DCTN4: variants seen among roughly 807,000 people sequenced by gnomAD.
The protein encoded by DCTN4 is dynactin 4 (p62).
Under a neutral mutation model 62.7 loss-of-function variants are expected in DCTN4, and 23 were observed. The ratio of observed to expected loss-of-function variants is 0.37; its 90% confidence interval spans 0.26 to 0.52. DCTN4 has a LOEUF of 0.52. Ranked by LOEUF, DCTN4 falls within the 20% of genes least tolerant of loss-of-function variation. The pLI, the probability that DCTN4 is intolerant of heterozygous loss-of-function variation, is 0.92. For missense variants in DCTN4, 514 were observed against 580.4 expected, an observed-to-expected ratio of 0.89 and a Z score of 1.18; for synonymous variants, 199 against 202.1, an observed-to-expected ratio of 0.98 and a Z score of 0.13.
rs748518473 is a variant in DCTN4, at chr5:150,733,405, A to C, written c.500T>G (p.Leu167Arg). 2.5e-6 allele frequency: 4 copies of C among 1,614,098 alleles called. No homozygotes were observed. The highest frequency in any genetic ancestry group is 3.4e-6 in the Non-Finnish European group (4 of 1,179,996). The change falls in exon 5 of 13, where the codon CTG (leucine) becomes CGG (arginine). Residue 167 changes from leucine to arginine, a missense_variant. Coordinates refer to ENST00000447998, the MANE Select transcript of DCTN4 (RefSeq NM_016221.4). The part of the protein sequence containing the change: ...KEKVERDRKK[L>R]ARRRNYMPLA... ...AGGCATATAGTTTCTACGTCGTGCC[A>C]GTTTCTTGCGATCTCGCTCAACCTT...
At chr5:150,727,783 AAAAAAAAAAAAAAAC>A in intron 8 of DCTN4, among the ~76,000 whole-genome samples, 1 of 149,570 alleles carries the variant, frequency 6.7e-6, no homozygotes, top group African/African-American at 2.5e-5. Context: ...CTCAAAAAAA[AAAAAAAAAAAAAAAC>A]AAAAAACCCA....
rs890102487 is a variant in DCTN4, at chr5:150,716,595, G to C, written c.1072-933C>G. ...ATGCATCAGGTACTTATTTCTGTCT[G>C]TCTTAACTGGAGCTGCTTATTAGTG... On this transcript the variant is annotated intron_variant, in intron 11 of 12. Transcript: ENST00000447998. Among the ~76,000 whole-genome samples the C allele has an allele frequency of 7.7e-4, 117 of 152,176 alleles. 1 individual carries two copies. The highest frequency in any genetic ancestry group is 2.6e-3 in the African/African-American group (109 of 41,508).
chr5:150,739,068 C>T (rs1201725872), intron 4 of DCTN4, among the ~76,000 whole-genome samples: 1 of 151,900 alleles, frequency 6.6e-6, no homozygotes. Flanking sequence ...GTAATCCCAG[C>T]TACTCAGGAG....
chr5:150,731,254 T>G lies in DCTN4; in HGVS notation c.612-98A>C, dbSNP rs532660725. ...GTCTATGATATCAATAATTGAAGTA[T>G]TCCTCTGTCATAGAATATCTGTATA... On this transcript the variant is annotated intron_variant, in intron 6 of 12. Coordinates refer to ENST00000447998, the MANE Select transcript of DCTN4 (RefSeq NM_016221.4). 19 of 989,100 alleles carry G rather than the reference T, an allele frequency of 1.9e-5. No individual in the cohort carries two copies. The African/African-American group carries it at 3.1e-4, about 16-fold the overall frequency. The allele number at this position is 989,100 out of a possible 1,614,324, so 61.3% of individuals were successfully genotyped here. A position where few individuals can be genotyped will look rare whatever the true frequency, so the allele number is the denominator to read the frequency against.
At chr5:150,751,761 GT>G (rs1170731678) in intron 3 of DCTN4, among the ~76,000 whole-genome samples, 7 of 151,996 alleles carry the variant, frequency 4.6e-5, no homozygotes, top group Admixed American at 4.6e-4. Context: ...TTTGAAAAGA[GT>G]ATGTATTTTA....
chr5:150,736,798 C>T (rs1379650478), intron 4 of DCTN4, among the ~76,000 whole-genome samples: 1 of 152,100 alleles, frequency 6.6e-6, no homozygotes, highest in East Asian at 1.9e-4. Flanking sequence ...GGCCTAAATG[C>T]TCCACTTAAA....
rs150196663 is a variant in DCTN4 at position 150,741,530 on chromosome 5, G to A, written c.429+584C>T. Among the ~76,000 whole-genome samples the A allele has an allele frequency of 2.5e-3, 375 of 152,110 alleles. 2 individuals carry two copies. Among genetic ancestry groups the A allele is most frequent in the African/African-American group, 8.6e-3 (355 of 41,472 alleles). On this transcript the variant is annotated intron_variant, in intron 4 of 12. Transcript: ENST00000447998. Reference sequence around the variant, plus strand: ...CAGCCTTGCTCTATTGCCTAGGATGGAGCGTGGTGGTATGATCATAGCTCA... The same window carrying A: ...CAGCCTTGCTCTATTGCCTAGGATGAAGCGTGGTGGTATGATCATAGCTCA...
chr5:150,731,341 G>T, intron 6 of DCTN4, 75 bp downstream of exon 6: 2 of 1,259,338 alleles, frequency 1.6e-6, no homozygotes. Flanking sequence ...GTGTGTGTGT[G>T]TTTTAATCTC....
chr5:150,718,289 T>C lies in DCTN4; in HGVS notation c.1058A>G (p.Asn353Ser), dbSNP rs373636186. Residue 353 changes from asparagine to serine, a missense_variant, in exon 11 of 13, where the codon AAC (asparagine) becomes AGC (serine). Asn to Ser is a conservative substitution (Grantham distance 46, BLOSUM62 1). Coordinates refer to ENST00000447998, the MANE Select transcript of DCTN4 (RefSeq NM_016221.4). The part of the protein sequence containing the change: ...ECEEGDPDDI[N>S]STAKVVVPPK... ...AAATGCTCCTACCTTAGCAGTGCTG[T>C]TGATATCATCAGGGTCCCCCTCCTC... 1.9e-6 allele frequency: 3 copies of C among 1,613,484 alleles called. No individual in the cohort carries two copies. Among genetic ancestry groups the C allele is most frequent in the African/African-American group, 1.3e-5 (1 of 74,986 alleles).
rs770655901 is a variant in DCTN4, at chr5:150,753,520, C to T, written c.344G>A (p.Arg115His). ...KAYYLACGFC[R>H]WTSRDVGMAD... ...CATGCCCACATCTCTAGACGTCCAG[C>T]GACAAAATCCACATGCCAGGTAATA... The change falls in exon 3 of 13, where the codon CGC becomes CAC. Residue 115 changes from arginine to histidine, a missense_variant. By Grantham distance (29) the Arg-to-His change is conservative (BLOSUM62 0). Transcript: ENST00000447998. 34 of 1,614,040 alleles carry T rather than the reference C, an allele frequency of 2.1e-5. No homozygotes were observed. Among genetic ancestry groups the T allele is most frequent in the South Asian group, 8.8e-5 (8 of 91,084 alleles).
intron 9 of DCTN4, among the ~76,000 whole-genome samples, chr5:150,721,267 T>G: frequency 6.6e-6 from 1 of 152,212 alleles, no homozygotes; most frequent in Non-Finnish European, 1.5e-5. Flanking sequence ...TTTAACCAAC[T>G]ATTTCCTTGT....
intron 10 of DCTN4, among the ~76,000 whole-genome samples, chr5:150,719,255 A>G (rs1759878131): frequency 6.6e-6 from 1 of 152,212 alleles, no homozygotes; most frequent in South Asian, 2.1e-4. Flanking sequence ...AGCATGAAAG[A>G]AGAGTTAAAG....
chr5:150,714,011 G>A (rs2151466711), intron 12 of DCTN4, among the ~76,000 whole-genome samples: 1 of 152,210 alleles, frequency 6.6e-6, no homozygotes, highest in East Asian at 2.0e-4. Context: ...AAGCTCCTCA[G>A]GAGGCTGAGG....
chr5:150,713,259 A>G (rs1759633923), intron 12 of DCTN4, among the ~76,000 whole-genome samples: 1 of 152,118 alleles, frequency 6.6e-6, no homozygotes, highest in Admixed American at 6.5e-5. Flanking sequence ...AAGCTTTTCC[A>G]AAACAAATTT....
At chr5:150,728,656 A>C (rs1327180033) in intron 8 of DCTN4, among the ~76,000 whole-genome samples, 4 of 152,178 alleles carry the variant, frequency 2.6e-5, no homozygotes, top group African/African-American at 9.7e-5. Context: ...TCTTTTAAAA[A>C]AATTAGTGTT....
chr5:150,755,749 A>T (rs1056101848), intron 2 of DCTN4, among the ~76,000 whole-genome samples: 11 of 152,296 alleles, frequency 7.2e-5, no homozygotes, highest in African/African-American at 1.9e-4. Flanking sequence ...TCCTGAAAAG[A>T]ATCCTGGAAA....
intron 4 of DCTN4, among the ~76,000 whole-genome samples, chr5:150,737,294 C>A (rs536915536): frequency 3.3e-5 from 5 of 152,216 alleles, no homozygotes; most frequent in African/African-American, 1.2e-4. Context: ...ATCATTCTAC[C>A]CAACAACTGC....
rs574601848 is a variant in DCTN4 at position 150,756,418 on chromosome 5, T to C, written c.205A>G (p.Arg69Gly). Residue 69 changes from arginine (R) to glycine (G), a missense_variant and splice_region_variant, in exon 2 of 13, where the codon AGA becomes GGA. By Grantham distance (125) the Arg-to-Gly change is moderately radical. Coordinates refer to ENST00000447998, the MANE Select transcript of DCTN4 (RefSeq NM_016221.4). ...AAAAAAAATCAGTCCAGGTCTTACC[T>C]ATTCTTTTTTAGTTTGGCTTCAGCC... is the stretch of plus-strand genomic sequence containing the variant. Reference protein sequence around the residue: ...PSAEAKLKKNRCANCFDCPGC... With the variant: ...PSAEAKLKKNGCANCFDCPGC... The C allele has an allele frequency of 6.3e-7, 1 of 1,590,450 alleles. No individual in the cohort carries two copies. Among genetic ancestry groups the C allele is most frequent in the Non-Finnish European group, 8.5e-7 (1 of 1,169,774 alleles).
At chr5:150,737,862 T>C (rs768545197) in intron 4 of DCTN4, among the ~76,000 whole-genome samples, 4 of 151,918 alleles carry the variant, frequency 2.6e-5, no homozygotes, top group African/African-American at 9.7e-5. Context: ...ACCAAATTGA[T>C]AGAATGTGAG....
Sources: gnomAD v4.1 joint callset for allele counts (sites outside exome capture counted in the v4.1 genomes callset) on GRCh38, gnomAD v4.1.1 for gene constraint, MANE v1.5 for transcripts, NCBI Gene and HGNC (gene_info 2026-07-23, HGNC 2026-07-21) for gene names.